Variants in MUC5B observed in about 807,000 individuals in gnomAD.
MUC5B encodes the protein mucin-5B.
MUC5B carries 116 observed loss-of-function variants against 376.9 expected under a neutral mutation model. The ratio of observed to expected loss-of-function variants is 0.31; its 90% CI spans 0.26 to 0.36. MUC5B has a LOEUF of 0.36. MUC5B is among the 10% of genes least tolerant of loss of function. The pLI is 1.00. For synonymous variants in MUC5B, 3,517 were observed against 3,390.9 expected (o/e 1.04, Z -1.29); for missense variants, 7,165 against 7,769.9 (o/e 0.92, Z 2.93).
intron 48 of MUC5B, among the ~76,000 whole-genome samples, chr11:1,261,066 G>A (rs1312262892): frequency 6.6e-6 from 1 of 152,238 alleles, no homozygotes; most frequent in Non-Finnish European, 1.5e-5. Flanking sequence ...CTGTCAGCAG[G>A]AGGGGCCAGA....
At chr11:1,230,290 A>G (rs1861994749) in intron 11 of MUC5B, 147 bp downstream of exon 11, 1 of 1,290,474 alleles carries the variant, frequency 7.7e-7, no homozygotes, top group Admixed American at 2.3e-5. Context: ...ATGGTCATAG[A>G]GGGATGGCTC....
chr11:1,247,134 G>A lies in MUC5B; in HGVS notation c.10254G>A (p.Val3418=). Residue 3418 remains valine, a synonymous_variant, in exon 31 of 49, where the codon GTG becomes GTA. Coordinates refer to ENST00000529681, the MANE Select transcript of MUC5B (RefSeq NM_002458.3). ...STPGTTPIPP[V]LTTTATTPAA... is the part of the protein sequence containing the mutation. ...CAGGGACAACTCCCATCCCCCCAGT[G>A]CTGACCACCACCGCCACCACACCTG... 1 of 1,564,846 alleles carries A rather than the reference G, an allele frequency of 6.4e-7. No individual in the cohort carries two copies. Among genetic ancestry groups the A allele is most frequent in the Non-Finnish European group, 8.7e-7 (1 of 1,154,958 alleles).
chr11:1,250,084 A>G lies in MUC5B; in HGVS notation c.13204A>G (p.Thr4402Ala), dbSNP rs1415661705. The change falls in exon 31 of 49, where the codon ACT (threonine) becomes GCT (alanine). Residue 4402 changes from threonine (T) to alanine (A), a missense_variant. Physicochemically the swap from Thr to Ala is moderately conservative, Grantham distance 58 (BLOSUM62 0). Coordinates refer to ENST00000529681, the MANE Select transcript of MUC5B (RefSeq NM_002458.3). ...AGAGCTGACCACAGCAGCCACTACAACTGCAGCCACTGGCCCCACGGCCAC... is the reference window on the plus strand; with the variant it reads ...AGAGCTGACCACAGCAGCCACTACAGCTGCAGCCACTGGCCCCACGGCCAC... ...LTELTTAATTTAATGPTATPS... is the reference protein window; with the variant it reads ...LTELTTAATTAAATGPTATPS... 1 of 1,594,426 alleles carries G rather than the reference A, an allele frequency of 6.3e-7. No homozygotes were observed. Among genetic ancestry groups the G allele is most frequent in the Admixed American group, 1.7e-5 (1 of 58,436 alleles).
At chr11:1,239,994 G>A (rs1348599201) in intron 28 of MUC5B, 51 bp downstream of exon 28, 12 of 1,603,412 alleles carry the variant, frequency 7.5e-6, no homozygotes, top group Non-Finnish European at 1.0e-5. Flanking sequence ...TGGGGAGCAG[G>A]CCCTGCAGGC....
In MUC5B at chr11:1,244,150, G is replaced by A. The variant is rs375937313; in HGVS notation, c.7270G>A (p.Ala2424Thr). The stretch of plus-strand genomic sequence containing the variant: ...CAGCACCCCGGCCACCAGCTCTACG[G>A]CCATGCCCTCCTCCACTCCGGGGAC... ...CPSTPATSST[A>T]MPSSTPGTTW... The change falls in exon 31 of 49, where the codon GCC becomes ACC. Residue 2424 changes from alanine (A) to threonine (T), a missense_variant. Ala to Thr is a moderately conservative substitution (Grantham distance 58, BLOSUM62 0). This residue lies in a region of MUC5B where 194 missense variants were observed against 268.5 expected (regional missense o/e 0.72). Transcript: ENST00000529681. 2 of 1,613,246 alleles carry A rather than the reference G, an allele frequency of 1.2e-6. No homozygotes were observed. Among genetic ancestry groups the A allele is most frequent in the Non-Finnish European group, 8.5e-7 (1 of 1,179,760 alleles).
chr11:1,255,044 C>T lies in MUC5B; in HGVS notation c.15668C>T (p.Thr5223Ile), dbSNP rs752783064. 1 of 1,588,760 alleles carries T rather than the reference C, an allele frequency of 6.3e-7. No individual in the cohort carries two copies. Among genetic ancestry groups the T allele is most frequent in the Non-Finnish European group, 8.6e-7 (1 of 1,168,480 alleles). The change falls in exon 36 of 49, where the codon ACC becomes ATC. Residue 5223 changes from threonine (T) to isoleucine (I), a missense_variant. Physicochemically the swap from Thr to Ile is moderately conservative, Grantham distance 89. Transcript: ENST00000529681. ...FHNNTEGQCG[T>I]CTNNQRDDCL... is the part of the protein sequence containing the mutation. ...GCGGTGACGCCCCCACTCCCAGGCA[C>T]CTGCACCAACAACCAGAGGGACGAC...
In MUC5B at chr11:1,261,449, C is replaced by A. The variant is rs915775084; in HGVS notation, c.17130C>A (p.Val5710=). 2 of 1,547,530 alleles carry A rather than the reference C, an allele frequency of 1.3e-6. No homozygotes were observed. The highest frequency in any genetic ancestry group is 2.4e-5 in the East Asian group (1 of 40,918). Residue 5710 remains valine (V), a synonymous_variant, in exon 49 of 49, where the codon GTC becomes GTA. Coordinates refer to ENST00000529681, the MANE Select transcript of MUC5B (RefSeq NM_002458.3). The part of the protein sequence containing the change: ...HQCTCCQERR[V]HEETVPLHCP... ...GCACCTGCTGCCAGGAGAGGCGGGT[C>A]CACGAGGAGACGGTGCCCTTGCACT... is the stretch of plus-strand genomic sequence containing the variant.
At chr11:1,226,569 G>GT (rs879691798) in intron 3 of MUC5B, 46 bp from the exon 4 acceptor site, 8 of 1,573,956 alleles carry the variant, frequency 5.1e-6, no homozygotes, top group Non-Finnish European at 6.9e-6. Context: ...AGGCTACCCC[G>GT]TGGGGGGCTG....
Position 1,253,158 on chromosome 11 carries a change from G to T in MUC5B, c.15217+178G>T. On this transcript the variant is annotated intron_variant, in intron 33 of 48. Transcript: ENST00000529681. This position sits in a 1 kb window ranked among gnomAD's most constrained non-coding sequence, Gnocchi z 4.3. ...TGGTGGGGCATGGTGGGGTGTGGTG[G>T]TGGTGTTTGGGAGATCGCTGGCATC... is the stretch of plus-strand genomic sequence containing the variant. 1 of 758,774 alleles carries T rather than the reference G, an allele frequency of 1.3e-6. No individual in the cohort carries two copies. Among genetic ancestry groups the T allele is most frequent in the Non-Finnish European group, 2.2e-6 (1 of 458,790 alleles). The allele number at this position is 758,774 out of a possible 1,614,324, so 47.0% of individuals were successfully genotyped here.
At chr11:1,237,802 G>A (rs1282911050) in intron 25 of MUC5B, among the ~76,000 whole-genome samples, 4 of 152,204 alleles carry the variant, frequency 2.6e-5, no homozygotes, top group Admixed American at 6.5e-5. Context: ...CTGGGAAGAG[G>A]AGGTTGCAGT....
chr11:1,235,796 C>T (rs1016176018), intron 23 of MUC5B, among the ~76,000 whole-genome samples: 1 of 141,858 alleles, frequency 7.0e-6, no homozygotes, highest in African/African-American at 2.5e-5. Flanking sequence ...GGATTTAGGG[C>T]CCCCCCCCGC....
chr11:1,239,614 G>A (rs768599190), intron 27 of MUC5B, 48 bp downstream of exon 27: 12 of 1,532,820 alleles, frequency 7.8e-6, no homozygotes, highest in Admixed American at 2.0e-5. Context: ...TTGGGTTCCC[G>A]AGTGTACGTG....
intron 25 of MUC5B, among the ~76,000 whole-genome samples, chr11:1,238,548 T>C (rs1261072212): frequency 1.3e-5 from 2 of 152,024 alleles, no homozygotes; most frequent in African/African-American, 4.8e-5. Flanking sequence ...ATCCACGTGA[T>C]AGAAAGATCC....
intron 38 of MUC5B, 80 bp downstream of exon 38, chr11:1,256,305 G>A: frequency 1.4e-6 from 1 of 695,488 alleles, no homozygotes; most frequent in East Asian, 2.7e-5. Context: ...GAGGCCAGAG[G>A]GTGTCCCACT....
chr11:1,254,565 T>A, intron 34 of MUC5B, 129 bp from the exon 35 acceptor site: 1 of 1,223,678 alleles, frequency 8.2e-7, no homozygotes, highest in South Asian at 1.6e-5. Context: ...CCAGGGAAGA[T>A]CTGGGCTTTG....
Position 1,234,323 on chromosome 11 carries a change from G to T in MUC5B, c.2478+18G>T. On this transcript the variant is annotated intron_variant, in intron 20 of 48. Transcript: ENST00000529681. The surrounding 1 kb of genome is among the most constrained non-coding windows in gnomAD (Gnocchi z 6.3). ...TGGGCTGTGTGAGTTCCATGCTTCA[G>T]GGAGGGGTGGGCAGGGAAGGGGTCC... 1 of 1,567,784 alleles carries T rather than the reference G, an allele frequency of 6.4e-7. No individual in the cohort carries two copies. Among genetic ancestry groups the T allele is most frequent in the East Asian group, 2.3e-5 (1 of 43,650 alleles).
chr11:1,236,657 G>GTT, intron 24 of MUC5B, 95 bp downstream of exon 24: 1 of 1,323,890 alleles, frequency 7.6e-7, no homozygotes. Context: ...TCGCTGACCC[G>GTT]TGGGTGCGTG....
chr11:1,229,282 C>T lies in MUC5B; in HGVS notation c.1089C>T (p.Cys363=), dbSNP rs763744229. The change falls in exon 9 of 49, where the codon TGC becomes TGT. Residue 363 remains cysteine, a synonymous_variant. Coordinates refer to ENST00000529681, the MANE Select transcript of MUC5B (RefSeq NM_002458.3). ...QLCEDHCVDG[C]FCPPGTVLDD... is the part of the protein sequence containing the mutation. Reference sequence around the variant, plus strand: ...GCGAGGACCACTGTGTGGACGGCTGCTTCTGCCCCCCAGGCAGGTCTTGTG... The same window carrying T: ...GCGAGGACCACTGTGTGGACGGCTGTTTCTGCCCCCCAGGCAGGTCTTGTG... 3.2e-6 allele frequency: 5 copies of T among 1,578,420 alleles called. No homozygotes were observed. Among genetic ancestry groups the T allele is most frequent in the Non-Finnish European group, 4.3e-6 (5 of 1,166,550 alleles).
chr11:1,239,027 C>G lies in MUC5B; in HGVS notation c.3454C>G (p.Pro1152Ala). The change falls in exon 26 of 49, where the codon CCC becomes GCC. Residue 1152 changes from proline to alanine, a missense_variant and splice_region_variant. Physicochemically the swap from Pro to Ala is conservative, Grantham distance 27. Transcript: ENST00000529681. Reference protein sequence around the residue: ...CVSWRTPDTCPLFCDFYNPHG... With the variant: ...CVSWRTPDTCALFCDFYNPHG... ...GTCCTGGCGGACTCCGGACACCTGC[C>G]GTGAGTCGGGCTCTGTCCGTGGTGC... The G allele has an allele frequency of 1.9e-6, 3 of 1,572,306 alleles. No individual in the cohort carries two copies. The highest frequency in any genetic ancestry group is 2.6e-6 in the Non-Finnish European group (3 of 1,159,636).
Sources: allele counts gnomAD v4.1 joint callset (sites outside exome capture counted in the v4.1 genomes callset), GRCh38; gene constraint gnomAD v4.1.1; regional missense constraint gnomAD v4.1.1; non-coding constraint Gnocchi (gnomAD v3.1); transcripts MANE v1.5; gene names NCBI Gene and HGNC (gene_info 2026-07-23, HGNC 2026-07-21).